Variants in PLEKHM3 observed in about 807,000 individuals in gnomAD.
The protein encoded by PLEKHM3 is pleckstrin homology domain containing M3, also known as pleckstrin homology domain-containing family M member 3.
Under a neutral mutation model 81.8 loss-of-function variants are expected in PLEKHM3, and 45 were observed. The ratio of observed to expected loss-of-function variants is 0.55; its 90% CI spans 0.43 to 0.71. The LOEUF (loss-of-function observed/expected upper bound fraction) is 0.71, where lower values mean the gene tolerates loss of function less well. Among genes scored for constraint, PLEKHM3 ranks in the 30% least tolerant of loss-of-function variants. The pLI is 0.00. For missense variants in PLEKHM3, 788 were observed against 924.3 expected (o/e 0.85, Z 1.91); for synonymous variants, 352 against 356.4 (o/e 0.99, Z 0.14).
intron 5 of PLEKHM3, among the ~76,000 whole-genome samples, chr2:207,928,085 C>A (rs1191201668): frequency 1.3e-5 from 2 of 152,170 alleles, no homozygotes; most frequent in Non-Finnish European, 2.9e-5. Flanking sequence ...TACTAGCACA[C>A]TTTTCTCTGC....
intron 6 of PLEKHM3, among the ~76,000 whole-genome samples, chr2:207,903,187 A>G (rs1688497581): frequency 6.6e-6 from 1 of 152,196 alleles, no homozygotes; most frequent in Non-Finnish European, 1.5e-5. Context: ...TGCCAAAATA[A>G]TAATTTATTT....
In PLEKHM3 at chr2:207,916,413, C is replaced by T. The variant is rs1052353836; in HGVS notation, c.1887-7836G>A. On this transcript the variant is annotated intron_variant, in intron 5 of 7. Coordinates refer to ENST00000427836, the MANE Select transcript of PLEKHM3 (RefSeq NM_001080475.3). The stretch of plus-strand genomic sequence containing the variant: ...AGTCGCAAGAATATAACACTTCCCC[C>T]GCAATGAGTTTTATTTTTGTTTTCT... Among the ~76,000 whole-genome samples the T allele has an allele frequency of 3.3e-5, 5 of 152,106 alleles. No individual in the cohort carries two copies. The South Asian group carries it at 6.2e-4, about 19-fold the overall frequency.
At chr2:207,903,059 C>T (rs1455632680) in intron 6 of PLEKHM3, among the ~76,000 whole-genome samples, 1 of 152,172 alleles carries the variant, frequency 6.6e-6, no homozygotes. Context: ...TCCCACTTCA[C>T]AACTCTTTAG....
intron 1 of PLEKHM3, among the ~76,000 whole-genome samples, chr2:208,009,468 G>A (rs777131152): frequency 1.3e-5 from 2 of 152,092 alleles, no homozygotes; most frequent in South Asian, 2.1e-4. Flanking sequence ...CTCAAATGAC[G>A]ATGACAATAA....
chr2:207,845,344 A>T (rs2092376729), intron 7 of PLEKHM3, among the ~76,000 whole-genome samples: 1 of 152,242 alleles, frequency 6.6e-6, no homozygotes, highest in South Asian at 2.1e-4. Context: ...ATTTCAGAAC[A>T]TACTGCTCAG....
intron 2 of PLEKHM3, among the ~76,000 whole-genome samples, chr2:207,991,615 C>T (rs951186874): frequency 5.3e-5 from 8 of 151,970 alleles, no homozygotes; most frequent in Non-Finnish European, 1.2e-4. Flanking sequence ...AAAAAAGACC[C>T]AGAAGAGATG....
rs572862449 is a variant in PLEKHM3 at position 207,871,984 on chromosome 2, G to A, written c.1951-10722C>T. Among the ~76,000 whole-genome samples, 283 of 152,320 alleles carry A rather than the reference G, an allele frequency of 1.9e-3. 1 individual carries two copies. Among genetic ancestry groups the A allele is most frequent in the African/African-American group, 6.4e-3 (267 of 41,578 alleles). ...TCTGACATTACTGACTCATTGAGCA[G>A]TAAATGAGGAAAAGTTCTAAGCAGA... On this transcript the variant is annotated intron_variant, in intron 6 of 7. Coordinates refer to ENST00000427836, the MANE Select transcript of PLEKHM3 (RefSeq NM_001080475.3).
In PLEKHM3 at chr2:207,843,207, C is replaced by T. The variant is rs117425353; in HGVS notation, c.2109-14711G>A. Reference sequence around the variant, plus strand: ...TCAAGTGATCTGCCTGTCTCAGCCTCCCAAAGTGTTGGCCTCCTTTGGCCT... The same window carrying T: ...TCAAGTGATCTGCCTGTCTCAGCCTTCCAAAGTGTTGGCCTCCTTTGGCCT... On this transcript the variant is annotated intron_variant, in intron 7 of 7. Transcript: ENST00000427836. The surrounding 1 kb of genome is among the most constrained non-coding windows in gnomAD (Gnocchi z 4.4). Among the ~76,000 whole-genome samples the T allele has an allele frequency of 7.6e-4, 116 of 152,316 alleles. 2 individuals carry two copies. The East Asian group carries it at 0.017, about 22-fold the overall frequency.
chr2:207,836,571 T>G (rs2092320729), intron 7 of PLEKHM3, among the ~76,000 whole-genome samples: 4 of 152,312 alleles, frequency 2.6e-5, no homozygotes, highest in Admixed American at 1.3e-4. Context: ...TCAAATATTA[T>G]GGCAAAGAGG....
chr2:207,982,379 C>G (rs1331637712), intron 2 of PLEKHM3, among the ~76,000 whole-genome samples: 2 of 152,018 alleles, frequency 1.3e-5, no homozygotes, highest in Non-Finnish European at 2.9e-5. Context: ...AAGCAATCCT[C>G]CAAGATCAGT....
chr2:208,020,587 C>T (rs186730576), intron 1 of PLEKHM3, among the ~76,000 whole-genome samples: 18 of 152,288 alleles, frequency 1.2e-4, no homozygotes, highest in African/African-American at 3.1e-4. Flanking sequence ...ATTTTTATCA[C>T]GCTCTCACTC....
intron 7 of PLEKHM3, among the ~76,000 whole-genome samples, chr2:207,840,402 G>T (rs1289416713): frequency 6.6e-6 from 1 of 152,110 alleles, no homozygotes; most frequent in East Asian, 1.9e-4. Context: ...CTGCTATGTT[G>T]CCCAGGCTGG....
chr2:207,832,866 C>T (rs1460006731), intron 7 of PLEKHM3, among the ~76,000 whole-genome samples: 8 of 151,624 alleles, frequency 5.3e-5, no homozygotes. Flanking sequence ...AATCCCAGCA[C>T]TTTGGGAGGC....
rs1034608242 is a variant in PLEKHM3 at position 207,834,582 on chromosome 2, C to T, written c.2109-6086G>A. Among the ~76,000 whole-genome samples the T allele has an allele frequency of 5.7e-4, 86 of 151,044 alleles. 1 individual carries two copies. The highest frequency in any genetic ancestry group is 1.9e-3 in the African/African-American group (77 of 41,106). On this transcript the variant is annotated intron_variant, in intron 7 of 7. Coordinates refer to ENST00000427836, the MANE Select transcript of PLEKHM3 (RefSeq NM_001080475.3). ...CTGGGATTACAGGCATGTGCCACCA[C>T]GCCTGGCTAATTTTGTATTTTTAGT... is the stretch of plus-strand genomic sequence containing the variant.
chr2:207,923,855 GCA>G (rs1157865708), intron 5 of PLEKHM3, among the ~76,000 whole-genome samples: 99 of 18,906 alleles, frequency 5.2e-3, no homozygotes, highest in African/African-American at 0.013. Context: ...ACACACGCAC[GCA>G]CACACACACA....
At chr2:207,952,964 T>C (rs1285705858) in intron 3 of PLEKHM3, among the ~76,000 whole-genome samples, 2 of 152,224 alleles carry the variant, frequency 1.3e-5, no homozygotes, top group African/African-American at 2.4e-5. Flanking sequence ...TGGTGACCCA[T>C]AAAGTAGGAG....
intron 1 of PLEKHM3, among the ~76,000 whole-genome samples, chr2:208,002,908 G>GAAA (rs78655253): frequency 7.3e-6 from 1 of 136,064 alleles, no homozygotes. Context: ...CTTTTACCAG[G>GAAA]AAAAAAAAAA....
chr2:207,827,461 A>G lies in PLEKHM3; in HGVS notation c.*858T>C, dbSNP rs779597407. 6.6e-6 allele frequency: 1 copy of G among 152,236 alleles called. No homozygotes were observed. Among genetic ancestry groups the G allele is most frequent in the Admixed American group, 6.5e-5 (1 of 15,282 alleles). 9.4% of individuals were successfully genotyped at this position (152,236 alleles called of 1,614,324 possible). On this transcript the variant is annotated 3_prime_UTR_variant, in exon 8 of 8. Coordinates refer to ENST00000427836, the MANE Select transcript of PLEKHM3 (RefSeq NM_001080475.3). ...TCCGGCCAGCATCATGAAAAAAATCATAAATATCAACCATGGGCACCCGTT... is the reference window on the plus strand; with the variant it reads ...TCCGGCCAGCATCATGAAAAAAATCGTAAATATCAACCATGGGCACCCGTT...
chr2:207,943,139 C>T (rs1046505546), intron 4 of PLEKHM3, among the ~76,000 whole-genome samples: 3 of 152,012 alleles, frequency 2.0e-5, no homozygotes, highest in African/African-American at 7.3e-5. Context: ...AATTATAGTT[C>T]ATAACAATTT....
Sources: allele counts gnomAD v4.1 joint callset (sites outside exome capture counted in the v4.1 genomes callset), GRCh38; gene constraint gnomAD v4.1.1; non-coding constraint Gnocchi (gnomAD v3.1); transcripts MANE v1.5; gene names NCBI Gene and HGNC (gene_info 2026-07-23, HGNC 2026-07-21).